Variants in SNAP91 observed in about 807,000 individuals in gnomAD.
SNAP91 encodes clathrin coat assembly protein AP180.
A neutral mutation model predicts 100.3 loss-of-function variants in SNAP91; 27 were observed. That is an observed-to-expected ratio of 0.27 (90% CI 0.20 to 0.37). The LOEUF is 0.37. Among genes scored for constraint, SNAP91 ranks in the 10% least tolerant of loss-of-function variants. The pLI, the probability that SNAP91 is intolerant of heterozygous loss-of-function variation, is 1.00. For missense variants in SNAP91, 986 were observed against 1,123.7 expected (o/e 0.88, Z 1.75); for synonymous variants, 404 against 398.6 (o/e 1.01, Z -0.16).
rs61124889 is a variant in SNAP91, at chr6:83,702,801, G to GA, written c.130+4996dup. Among the ~76,000 whole-genome samples the GA allele has an allele frequency of 2.3e-3, 342 of 151,336 alleles. 12 individuals are homozygous for GA. In the East Asian group the frequency reaches 0.054, roughly 24 times the overall value. On this transcript the variant is annotated intron_variant, in intron 2 of 29. Transcript: ENST00000369694. ...GAAAATGAGAAAGTAAAAAGATCTG[G>GA]AAAAAAAACCCCTATTGTTCCACTA...
chr6:83,567,227 C>T (rs1483171311), intron 26 of SNAP91, among the ~76,000 whole-genome samples: 1 of 152,170 alleles, frequency 6.6e-6, no homozygotes, highest in Non-Finnish European at 1.5e-5. Flanking sequence ...TCGCATCCAG[C>T]TCAACTTTGT....
chr6:83,574,405 T>C (rs1814329228), intron 26 of SNAP91, among the ~76,000 whole-genome samples: 1 of 152,162 alleles, frequency 6.6e-6, no homozygotes, highest in African/African-American at 2.4e-5. Flanking sequence ...AAATTTAAAA[T>C]ACAGACATGA....
chr6:83,698,689 G>A lies in SNAP91; in HGVS notation c.130+9109C>T, dbSNP rs1036665494. 5.9e-5 allele frequency among the ~76,000 whole-genome samples: 9 copies of A among 152,138 alleles called. No homozygotes were observed. The South Asian group carries it at 6.2e-4, about 10-fold the overall frequency. ...GCATTTGTAAGCATAGCTTTCCCCCGATGAACTCTGTGATTCAAATTTATA... is the reference window on the plus strand; with the variant it reads ...GCATTTGTAAGCATAGCTTTCCCCCAATGAACTCTGTGATTCAAATTTATA... On this transcript the variant is annotated intron_variant, in intron 2 of 29. Coordinates refer to ENST00000369694, the MANE Select transcript of SNAP91 (RefSeq NM_001242792.2).
chr6:83,642,050 A>T (rs1361168534), intron 7 of SNAP91, among the ~76,000 whole-genome samples: 1 of 152,210 alleles, frequency 6.6e-6, no homozygotes, highest in African/African-American at 2.4e-5. Context: ...ATGGAGACAC[A>T]GCAGGCCATG....
intron 6 of SNAP91, among the ~76,000 whole-genome samples, chr6:83,657,679 G>C (rs570749287): frequency 6.6e-6 from 1 of 152,046 alleles, no homozygotes; most frequent in East Asian, 1.9e-4. Context: ...CTTTGTTGTA[G>C]GCAACTACCA....
At chr6:83,613,857 A>G (rs1462640041) in intron 11 of SNAP91, among the ~76,000 whole-genome samples, 1 of 152,212 alleles carries the variant, frequency 6.6e-6, no homozygotes, top group Non-Finnish European at 1.5e-5. Context: ...AAAGACCAAT[A>G]CTTCTATTAA....
chr6:83,598,580 T>A (rs1322361558), intron 16 of SNAP91, among the ~76,000 whole-genome samples: 2 of 152,210 alleles, frequency 1.3e-5, no homozygotes, highest in African/African-American at 4.8e-5. Context: ...TTAGTTGCTG[T>A]ACATATTGCA....
intron 8 of SNAP91, among the ~76,000 whole-genome samples, chr6:83,630,509 A>G (rs1019629262): frequency 6.6e-6 from 1 of 151,998 alleles, no homozygotes; most frequent in Non-Finnish European, 1.5e-5. Context: ...TTTAAAAATT[A>G]CCATTTCAAT....
chr6:83,686,142 T>C, intron 2 of SNAP91: 1 of 984,820 alleles, frequency 1.0e-6, no homozygotes, highest in African/African-American at 1.7e-5. Context: ...GTTGCTTAAA[T>C]TCTAGCCTTC....
intron 9 of SNAP91, among the ~76,000 whole-genome samples, chr6:83,620,531 A>C (rs2128391452): frequency 6.6e-6 from 1 of 152,270 alleles, no homozygotes; most frequent in East Asian, 1.9e-4. Context: ...CAGAGGTCTA[A>C]ATCCTCAGGT....
intron 3 of SNAP91, among the ~76,000 whole-genome samples, chr6:83,663,102 G>A (rs1411311180): frequency 1.3e-5 from 2 of 152,054 alleles, no homozygotes; most frequent in African/African-American, 4.8e-5. Flanking sequence ...ATAAATGATG[G>A]CAAACTTAAT....
At chr6:83,634,282 T>C (rs2097340050) in intron 8 of SNAP91, among the ~76,000 whole-genome samples, 1 of 152,230 alleles carries the variant, frequency 6.6e-6, no homozygotes, top group South Asian at 2.1e-4. Flanking sequence ...TCTATCCCTG[T>C]ATTTTGCTTG....
At chr6:83,642,147 A>G (rs1002125337) in intron 7 of SNAP91, among the ~76,000 whole-genome samples, 1 of 134,442 alleles carries the variant, frequency 7.4e-6, no homozygotes, top group Non-Finnish European at 1.6e-5. Context: ...ATATTTGCAC[A>G]TGGTTTAAAA....
intron 3 of SNAP91, among the ~76,000 whole-genome samples, chr6:83,664,935 C>G (rs1344205622): frequency 6.6e-6 from 1 of 152,122 alleles, no homozygotes; most frequent in East Asian, 1.9e-4. Flanking sequence ...AATCAGTCAG[C>G]AGCCATCAAT....
intron 26 of SNAP91, among the ~76,000 whole-genome samples, chr6:83,570,863 C>T (rs1806148191): frequency 6.6e-6 from 1 of 152,142 alleles, no homozygotes; most frequent in Non-Finnish European, 1.5e-5. Flanking sequence ...TCTGTTAGGG[C>T]AGTGCAGAGG....
intron 2 of SNAP91, among the ~76,000 whole-genome samples, chr6:83,677,345 C>T (rs1373799404): frequency 6.6e-6 from 1 of 152,166 alleles, no homozygotes; most frequent in Non-Finnish European, 1.5e-5. Flanking sequence ...TCAAAATGAA[C>T]ATTATAAATT....
At chr6:83,626,458 A>G (rs886973642) in intron 8 of SNAP91, among the ~76,000 whole-genome samples, 11 of 152,160 alleles carry the variant, frequency 7.2e-5, no homozygotes, top group Non-Finnish European at 1.5e-4. Context: ...CAGTAGAGCC[A>G]TTTTAACAAT....
chr6:83,662,552 T>A (rs552569718), intron 3 of SNAP91, 130 bp from the exon 4 acceptor site: 1 of 370,180 alleles, frequency 2.7e-6, no homozygotes, highest in African/African-American at 2.1e-5. Context: ...TAAAGTTTCC[T>A]AGAATGCTGA....
intron 28 of SNAP91, among the ~76,000 whole-genome samples, chr6:83,556,608 G>C (rs934752873): frequency 2.6e-5 from 4 of 152,108 alleles, no homozygotes; most frequent in Admixed American, 2.6e-4. Context: ...AGAACAATAT[G>C]GGTATGACTT....
Sources: allele counts gnomAD v4.1 joint callset (sites outside exome capture counted in the v4.1 genomes callset), GRCh38; gene constraint gnomAD v4.1.1; transcripts MANE v1.5; gene names NCBI Gene and HGNC (gene_info 2026-07-23, HGNC 2026-07-21).